The following GPC5 variants were observed in gnomAD, a reference collection of about 807,000 sequenced individuals.
The protein encoded by GPC5 is glypican 5.
Under a neutral mutation model 53.9 loss-of-function variants are expected in GPC5, and 47 were observed. The ratio of observed to expected loss-of-function variants is 0.87; its 90% CI spans 0.69 to 1.11. The LOEUF (loss-of-function observed/expected upper bound fraction) is 1.11, where lower values mean the gene tolerates loss of function less well. Ranked by LOEUF, GPC5 falls within the 50% of genes most tolerant of loss-of-function variation. GPC5 has a pLI of 0.00. For synonymous variants in GPC5, 286 were observed against 263.3 expected, an observed-to-expected ratio of 1.09 and a Z score of -0.84; for missense variants, 748 against 713.1, an observed-to-expected ratio of 1.05 and a Z score of -0.56.
In GPC5 at chr13:91,639,808, C is replaced by A. The variant is rs556531771; in HGVS notation, c.326-53379C>A. ...AGGTGTTTTCTAAGTTCTTCACAAG[C>A]ATTATTTGATTTCAATCTTGATACA... On this transcript the variant is annotated intron_variant, in intron 2 of 7. Coordinates refer to ENST00000377067, the MANE Select transcript of GPC5 (RefSeq NM_004466.6). 2.4e-3 allele frequency among the ~76,000 whole-genome samples: 371 copies of A among 152,266 alleles called. 2 individuals are homozygous for A. Among genetic ancestry groups the A allele is most frequent in the Non-Finnish European group, 3.6e-3 (246 of 68,012 alleles).
At chr13:91,777,991 C>A (rs1204582461) in intron 5 of GPC5, among the ~76,000 whole-genome samples, 1 of 152,120 alleles carries the variant, frequency 6.6e-6, no homozygotes, top group African/African-American at 2.4e-5. Context: ...CCCCTCACAG[C>A]ACTTCCGGAA....
chr13:91,999,717 T>C (rs1015444590), intron 6 of GPC5, among the ~76,000 whole-genome samples: 1 of 152,204 alleles, frequency 6.6e-6, no homozygotes. Context: ...AATCTCATCA[T>C]GTTTGTCAGA....
chr13:92,117,013 T>C (rs1327471812), intron 6 of GPC5, among the ~76,000 whole-genome samples: 2 of 152,234 alleles, frequency 1.3e-5, no homozygotes, highest in African/African-American at 4.8e-5. Flanking sequence ...ACAGCATCTT[T>C]CGTAGAGCAA....
chr13:92,862,971 C>T (rs919407156), intron 7 of GPC5, among the ~76,000 whole-genome samples: 5 of 152,094 alleles, frequency 3.3e-5, no homozygotes, highest in African/African-American at 1.2e-4. Context: ...AAGGTGCTGT[C>T]CTCTCAGATT....
chr13:91,981,463 G>C (rs1435054847), intron 6 of GPC5, among the ~76,000 whole-genome samples: 1 of 152,082 alleles, frequency 6.6e-6, no homozygotes, highest in Admixed American at 6.5e-5. Flanking sequence ...CTAATTTTTT[G>C]TATTTTTAGT....
At chr13:92,385,088 A>G (rs1252300189) in intron 7 of GPC5, among the ~76,000 whole-genome samples, 1 of 151,954 alleles carries the variant, frequency 6.6e-6, no homozygotes, top group African/African-American at 2.4e-5. Flanking sequence ...AGAGATATGA[A>G]AACTCTCCCC....
At chr13:91,442,755 G>C (rs528408635) in intron 1 of GPC5, among the ~76,000 whole-genome samples, 2 of 151,444 alleles carry the variant, frequency 1.3e-5, no homozygotes, top group South Asian at 4.9e-4. Context: ...AGGGACTATA[G>C]GAGGCACTTA....
chr13:92,345,381 C>T (rs2043402335), intron 7 of GPC5, among the ~76,000 whole-genome samples: 1 of 152,046 alleles, frequency 6.6e-6, no homozygotes, highest in Admixed American at 6.6e-5. Context: ...ACAACCCACA[C>T]ATAGTAGTAG....
intron 6 of GPC5, among the ~76,000 whole-genome samples, chr13:91,993,615 C>T (rs181926636): frequency 7.9e-4 from 121 of 152,230 alleles, no homozygotes; most frequent in Admixed American, 1.1e-3. Flanking sequence ...TGTGTGTGCA[C>T]GCACTCACAC....
chr13:92,211,453 A>T (rs983709011), intron 7 of GPC5, among the ~76,000 whole-genome samples: 1 of 152,162 alleles, frequency 6.6e-6, no homozygotes, highest in African/African-American at 2.4e-5. Context: ...TGAAATCAAA[A>T]CCAACTGTGG....
At chr13:91,716,208 T>A (rs2036334997) in intron 3 of GPC5, among the ~76,000 whole-genome samples, 1 of 152,228 alleles carries the variant, frequency 6.6e-6, no homozygotes, top group Non-Finnish European at 1.5e-5. Flanking sequence ...AATGATCTAT[T>A]GAGCATCCTT....
Position 92,157,838 on chromosome 13 carries a change from CAT to C in GPC5, c.1561+12852_1561+12853del, listed in dbSNP as rs553091052. On this transcript the variant is annotated intron_variant, in intron 7 of 7. Coordinates refer to ENST00000377067, the MANE Select transcript of GPC5 (RefSeq NM_004466.6). Reference sequence around the variant, plus strand: ...ATATACCTAACTAGTATTTTCTCAGCATATGAGTTGTGAGAAATCTCACTGTT... The same window carrying C: ...ATATACCTAACTAGTATTTTCTCAGCATGAGTTGTGAGAAATCTCACTGTT... Among the ~76,000 whole-genome samples the C allele has an allele frequency of 5.1e-3, 770 of 152,148 alleles. 9 individuals carry two copies. The highest frequency in any genetic ancestry group is 0.018 in the African/African-American group (733 of 41,514).
At chr13:92,136,111 A>G (rs2041782240) in intron 6 of GPC5, among the ~76,000 whole-genome samples, 1 of 152,140 alleles carries the variant, frequency 6.6e-6, no homozygotes, top group Non-Finnish European at 1.5e-5. Context: ...ATTATGCTCT[A>G]AATAGTGAGT....
intron 2 of GPC5, among the ~76,000 whole-genome samples, chr13:91,450,401 ATCAG>A (rs550837508): frequency 9.3e-4 from 142 of 152,324 alleles, no homozygotes; most frequent in African/African-American, 2.3e-3. Flanking sequence ...CAGTGGATAT[ATCAG>A]TCTGAGCAGA....
At chr13:92,485,493 T>C (rs1190103097) in intron 7 of GPC5, among the ~76,000 whole-genome samples, 1 of 151,916 alleles carries the variant, frequency 6.6e-6, no homozygotes, top group Non-Finnish European at 1.5e-5. Context: ...TCATCAAGAG[T>C]AGAAAAAAAA....
At chr13:92,607,247 T>C (rs745319232) in intron 7 of GPC5, among the ~76,000 whole-genome samples, 52 of 152,312 alleles carry the variant, frequency 3.4e-4, no homozygotes, top group African/African-American at 1.2e-3. Flanking sequence ...TAAAGCTCTC[T>C]TTCCTGTTTT....
intron 2 of GPC5, among the ~76,000 whole-genome samples, chr13:91,559,395 A>G (rs1403352052): frequency 6.6e-6 from 1 of 152,184 alleles, no homozygotes; most frequent in African/African-American, 2.4e-5. Flanking sequence ...AGCTAAAGCC[A>G]CAGACTGAGA....
At chr13:91,983,093 C>G (rs1261264672) in intron 6 of GPC5, among the ~76,000 whole-genome samples, 1 of 151,744 alleles carries the variant, frequency 6.6e-6, no homozygotes, top group Admixed American at 6.6e-5. Context: ...CGCCTGTAAT[C>G]CCAGCACTTT....
chr13:92,405,782 G>GA (rs1045705562), intron 7 of GPC5, among the ~76,000 whole-genome samples: 11 of 151,766 alleles, frequency 7.2e-5, no homozygotes, highest in Non-Finnish European at 1.2e-4. Context: ...CAACCACTGG[G>GA]AAAAAAAAGT....
Sources: allele counts gnomAD v4.1 joint callset (sites outside exome capture counted in the v4.1 genomes callset), GRCh38; gene constraint gnomAD v4.1.1; transcripts MANE v1.5; gene names NCBI Gene and HGNC (gene_info 2026-07-23, HGNC 2026-07-21).